UQCC6: variants seen among roughly 807,000 people sequenced by gnomAD.
UQCC6 encodes the protein ubiquinol-cytochrome c reductase complex assembly factor 6.
the UQCC6 span, among the ~76,000 whole-genome samples, chr12:103,958,365 T>A: frequency 6.6e-6 from 1 of 152,136 alleles, no homozygotes; most frequent in Non-Finnish European, 1.5e-5. Flanking sequence ...CAATATGATG[T>A]TTGACATATG....
chr12:103,956,852 C>T, the UQCC6 span: 15 of 704,606 alleles, frequency 2.1e-5, no homozygotes, highest in Middle Eastern at 3.6e-4. Context: ...CACACGGCGG[C>T]GGGGGTGCAG....
At chr12:103,959,648 G>A in the UQCC6 span, among the ~76,000 whole-genome samples, 1 of 151,778 alleles carries the variant, frequency 6.6e-6, no homozygotes, top group African/African-American at 2.4e-5. Context: ...GGAGGTGGAG[G>A]TTGCAGTGAG....
At chr12:103,957,798 T>C in the UQCC6 span, among the ~76,000 whole-genome samples, 1 of 151,648 alleles carries the variant, frequency 6.6e-6, no homozygotes, top group East Asian at 1.9e-4. Flanking sequence ...CAGCCAGCAC[T>C]TTGGGAGGCC....
the UQCC6 span, chr12:103,953,317 G>A: frequency 1.0e-5 from 7 of 700,188 alleles, no homozygotes; most frequent in Admixed American, 2.0e-5. Flanking sequence ...TACAGTATGA[G>A]AGAGGAATTA....
chr12:103,957,814 G>C, the UQCC6 span, among the ~76,000 whole-genome samples: 1 of 151,266 alleles, frequency 6.6e-6, no homozygotes. Flanking sequence ...AGGCCAAGGC[G>C]GGCGGATCAC....
At chr12:103,955,537 G>C in the UQCC6 span, among the ~76,000 whole-genome samples, 1 of 152,046 alleles carries the variant, frequency 6.6e-6, no homozygotes, top group South Asian at 2.1e-4. Context: ...AGGAGGCTGA[G>C]GCAGGAGGAC....
At chr12:103,956,783 C>T in the UQCC6 span, 1 of 1,380,378 alleles carries the variant, frequency 7.2e-7, no homozygotes, top group East Asian at 2.5e-5. Flanking sequence ...GTCAGAAGTT[C>T]CAGCTCACGA....
At chr12:103,965,701 G>A in the UQCC6 span, 3 of 322,150 alleles carry the variant, frequency 9.3e-6, no homozygotes, top group African/African-American at 2.1e-5. Flanking sequence ...CCTAGTCCCC[G>A]TCTTCTGGTC....
the UQCC6 span, among the ~76,000 whole-genome samples, chr12:103,964,461 A>G: frequency 6.6e-6 from 1 of 152,044 alleles, no homozygotes; most frequent in Non-Finnish European, 1.5e-5. Context: ...TGGGCAGAGG[A>G]CCCTGGTCTC....
the UQCC6 span, chr12:103,953,423 T>C: frequency 7.1e-6 from 5 of 702,216 alleles, no homozygotes; most frequent in Non-Finnish European, 1.0e-5. Flanking sequence ...CCTGTAGCAG[T>C]TCTCCCCAAC....
the UQCC6 span, among the ~76,000 whole-genome samples, chr12:103,960,194 C>T: frequency 9.2e-5 from 14 of 152,070 alleles, no homozygotes; most frequent in Non-Finnish European, 1.8e-4. Flanking sequence ...CCTCAGCCTC[C>T]CGAGTAGCTT....
At chr12:103,957,926 AT>A in the UQCC6 span, among the ~76,000 whole-genome samples, 1 of 133,756 alleles carries the variant, frequency 7.5e-6, no homozygotes, top group Non-Finnish European at 1.7e-5. Flanking sequence ...TTAAATATAT[AT>A]TTTATACATA....
chr12:103,958,347 A>G, the UQCC6 span, among the ~76,000 whole-genome samples: 4 of 152,178 alleles, frequency 2.6e-5, no homozygotes, highest in Non-Finnish European at 5.9e-5. Flanking sequence ...GCACATATTT[A>G]AAGTATACAA....
the UQCC6 span, chr12:103,950,436 C>T: frequency 4.3e-4 from 66 of 152,310 alleles, no homozygotes; most frequent in African/African-American, 1.4e-3. Context: ...CCACCACTCA[C>T]GTGCTGAAGT....
chr12:103,952,280 G>T, the UQCC6 span, among the ~76,000 whole-genome samples: 1 of 152,114 alleles, frequency 6.6e-6, no homozygotes, highest in Non-Finnish European at 1.5e-5. Flanking sequence ...TCTATAAATG[G>T]AATCATATAA....
At chr12:103,963,847 G>T in the UQCC6 span, among the ~76,000 whole-genome samples, 1 of 151,808 alleles carries the variant, frequency 6.6e-6, no homozygotes, top group Non-Finnish European at 1.5e-5. Flanking sequence ...GGTTCCACAG[G>T]ATTTTCTACA....
chr12:103,954,517 T>G, the UQCC6 span: 1 of 163,548 alleles, frequency 6.1e-6, no homozygotes, highest in Non-Finnish European at 1.3e-5. Flanking sequence ...CATGAACTAA[T>G]AAAGTGAGAA....
the UQCC6 span, among the ~76,000 whole-genome samples, chr12:103,964,897 T>C: frequency 1.1e-4 from 16 of 152,352 alleles, no homozygotes; most frequent in South Asian, 3.3e-3. Context: ...TACAAAAATC[T>C]TTCTGTATTT....
chr12:103,956,449 G>A, the UQCC6 span: 1 of 565,472 alleles, frequency 1.8e-6, no homozygotes, highest in African/African-American at 1.9e-5. Context: ...GCCATCCAAA[G>A]GTTTTGGGCC....
Sources: allele counts gnomAD v4.1 joint callset (sites outside exome capture counted in the v4.1 genomes callset), GRCh38; gene constraint gnomAD v4.1.1; transcripts MANE v1.5; gene names NCBI Gene and HGNC (gene_info 2026-07-23, HGNC 2026-07-21).